Variants in GLIS3 observed in about 807,000 individuals in gnomAD.
GLIS3 encodes the protein GLIS family zinc finger 3, also known as zinc finger protein GLIS3.
GLIS3 carries 53 observed loss-of-function variants against 78.6 expected under a neutral mutation model. The observed-to-expected ratio is 0.67, with a 90% CI of 0.54 to 0.85. The LOEUF (loss-of-function observed/expected upper bound fraction) is 0.85, where lower values mean the gene tolerates loss of function less well. Ranked by LOEUF, GLIS3 falls within the 40% of genes least tolerant of loss-of-function variation. The pLI, the probability that GLIS3 is intolerant of heterozygous loss-of-function variation, is 0.00. For missense variants in GLIS3, 1,703 were observed against 1,231.1 expected (o/e 1.38, Z -5.74); for synonymous variants, 684 against 509.9 (o/e 1.34, Z -4.60).
chr9:3,924,445 T>A (rs1341941512), intron 6 of GLIS3, among the ~76,000 whole-genome samples: 2 of 152,204 alleles, frequency 1.3e-5, no homozygotes, highest in Admixed American at 6.5e-5. Context: ...ATGGCAGTGC[T>A]TAAAAGAAGC....
chr9:4,330,721 A>T (rs1047791659), intron 2 of GLIS3, among the ~76,000 whole-genome samples: 1 of 152,144 alleles, frequency 6.6e-6, no homozygotes, highest in Non-Finnish European at 1.5e-5. Flanking sequence ...GTAGAGATTA[A>T]GTCGGAGGCA....
At chr9:4,194,762 A>G (rs10814874) in intron 2 of GLIS3, among the ~76,000 whole-genome samples, 66,788 of 151,898 alleles carry the variant, frequency 0.44, 14,852 homozygotes, top group South Asian at 0.55. Flanking sequence ...TTTCCACTGA[A>G]GCTCCGGGCA....
intron 1 of GLIS3, among the ~76,000 whole-genome samples, chr9:4,291,024 G>A (rs184853077): frequency 6.6e-6 from 1 of 152,180 alleles, no homozygotes; most frequent in Admixed American, 6.5e-5. Flanking sequence ...TGCAACCGAA[G>A]TTACACAGAA....
At chr9:3,945,832 A>G (rs1239318279) in intron 4 of GLIS3, among the ~76,000 whole-genome samples, 4 of 152,202 alleles carry the variant, frequency 2.6e-5, no homozygotes, top group Non-Finnish European at 4.4e-5. Flanking sequence ...GAAAAACAAA[A>G]AAAACAGAGA....
rs541004580 is a variant in GLIS3, at chr9:4,023,822, G to C, written c.1711-86633C>G. ...CTGAGGGTGCTGGTTCACAAACTTT[G>C]TTACTGACCCTCAATTAGGTAAGTA... is the stretch of plus-strand genomic sequence containing the variant. On this transcript the variant is annotated intron_variant, in intron 4 of 10. Transcript: ENST00000381971. Among the ~76,000 whole-genome samples, 7 of 152,248 alleles carry C rather than the reference G, an allele frequency of 4.6e-5. No homozygotes were observed. The South Asian group carries it at 1.5e-3, about 32-fold the overall frequency.
At chr9:3,855,755 C>A (rs1192622192) in intron 9 of GLIS3, 1 of 483,818 alleles carries the variant, frequency 2.1e-6, no homozygotes, top group South Asian at 2.1e-5. Context: ...GGTGTTAGAG[C>A]CCTGGCCAAT....
chr9:3,945,961 G>A (rs1217193226), intron 4 of GLIS3, among the ~76,000 whole-genome samples: 1 of 151,938 alleles, frequency 6.6e-6, no homozygotes, highest in Non-Finnish European at 1.5e-5. Flanking sequence ...TTTCCCACCT[G>A]GGCTCCAGGC....
the GLIS3 span, among the ~76,000 whole-genome samples, chr9:4,366,182 A>G: frequency 6.6e-6 from 1 of 152,218 alleles, no homozygotes; most frequent in Non-Finnish European, 1.5e-5. Flanking sequence ...AATTTGGTCT[A>G]TCCTATCCTT....
chr9:3,984,779 A>T (rs1819598377), intron 4 of GLIS3, among the ~76,000 whole-genome samples: 1 of 152,100 alleles, frequency 6.6e-6, no homozygotes, highest in African/African-American at 2.4e-5. Flanking sequence ...CATAATTCCC[A>T]CATGTTTCAG....
At chr9:4,363,740 G>A in the GLIS3 span, among the ~76,000 whole-genome samples, 1 of 152,030 alleles carries the variant, frequency 6.6e-6, no homozygotes, top group Non-Finnish European at 1.5e-5. Context: ...TCTACCCATA[G>A]AAATTTCATT....
At chr9:4,392,187 C>T in the GLIS3 span, among the ~76,000 whole-genome samples, 15 of 150,634 alleles carry the variant, frequency 1.0e-4, no homozygotes, top group African/African-American at 2.9e-4. Flanking sequence ...CATCGCTGAA[C>T]GATGAGAGCA....
intron 9 of GLIS3, among the ~76,000 whole-genome samples, chr9:3,854,598 G>A (rs1230732257): frequency 3.3e-5 from 5 of 151,204 alleles, no homozygotes; most frequent in East Asian, 1.9e-4. Flanking sequence ...GTACAGTGAC[G>A]CGATCTTGGC....
At chr9:4,005,472 G>A (rs1000478434) in intron 4 of GLIS3, among the ~76,000 whole-genome samples, 3 of 152,190 alleles carry the variant, frequency 2.0e-5, no homozygotes, top group South Asian at 2.1e-4. Context: ...ATGGCCCTAG[G>A]AGCTAAACTG....
chr9:3,947,950 A>T (rs910617010), intron 4 of GLIS3, among the ~76,000 whole-genome samples: 1 of 152,232 alleles, frequency 6.6e-6, no homozygotes, highest in South Asian at 2.1e-4. Context: ...GTTAAAAATC[A>T]TCTGTGACTG....
At chr9:4,379,325 G>C in the GLIS3 span, among the ~76,000 whole-genome samples, 1 of 152,146 alleles carries the variant, frequency 6.6e-6, no homozygotes, top group Non-Finnish European at 1.5e-5. Context: ...ATAGGGGTTT[G>C]GCAAAACACC....
At chr9:4,135,778 TC>T (rs1226258782) in intron 2 of GLIS3, among the ~76,000 whole-genome samples, 1 of 152,104 alleles carries the variant, frequency 6.6e-6, no homozygotes, top group Non-Finnish European at 1.5e-5. Flanking sequence ...AGTACCCTTC[TC>T]TCCCATCTGC....
chr9:4,392,984 G>A, the GLIS3 span, among the ~76,000 whole-genome samples: 2 of 151,378 alleles, frequency 1.3e-5, no homozygotes, highest in African/African-American at 4.9e-5. Flanking sequence ...TTTTTAAAGT[G>A]AGGGAGTTTT....
At chr9:4,180,581 A>G (rs959531927) in intron 2 of GLIS3, among the ~76,000 whole-genome samples, 2 of 152,178 alleles carry the variant, frequency 1.3e-5, no homozygotes, top group African/African-American at 4.8e-5. Context: ...TAGTTTCTGT[A>G]AACTTTCTCT....
Position 3,941,166 on chromosome 9 carries a change from A to G in GLIS3, c.1711-3977T>C, listed in dbSNP as rs561872. Among the ~76,000 whole-genome samples, 381 of 152,284 alleles carry G rather than the reference A, an allele frequency of 2.5e-3. 2 individuals carry two copies. Among genetic ancestry groups the G allele is most frequent in the African/African-American group, 8.8e-3 (366 of 41,558 alleles). Reference sequence around the variant, plus strand: ...TACTGTGATCACTGTCCATTTATTGATGAAAATCTTGTGACAAAAGTAAAG... The same window carrying G: ...TACTGTGATCACTGTCCATTTATTGGTGAAAATCTTGTGACAAAAGTAAAG... On this transcript the variant is annotated intron_variant, in intron 4 of 10. Transcript: ENST00000381971.
Sources: gnomAD v4.1 joint callset for allele counts (sites outside exome capture counted in the v4.1 genomes callset) on GRCh38, gnomAD v4.1.1 for gene constraint, MANE v1.5 for transcripts, NCBI Gene and HGNC (gene_info 2026-07-23, HGNC 2026-07-21) for gene names.